Variants in TGFB2 observed in about 807,000 individuals in gnomAD.
TGFB2 encodes transforming growth factor beta 2.
In TGFB2, 13 loss-of-function variants were observed where a neutral mutation model predicts 42.7. The ratio of observed to expected loss-of-function variants is 0.30; its 90% CI spans 0.20 to 0.48. The LOEUF (loss-of-function observed/expected upper bound fraction) is 0.48. TGFB2 is among the 20% of genes least tolerant of loss of function. TGFB2 has a pLI of 0.99. For missense variants in TGFB2, 390 were observed against 517.5 expected, an observed-to-expected ratio of 0.75 and a Z score of 2.39; for synonymous variants, 193 against 193.6, an observed-to-expected ratio of 1.00 and a Z score of 0.03.
intron 2 of TGFB2, among the ~76,000 whole-genome samples, chr1:218,422,222 C>G (rs1558256400): frequency 1.3e-5 from 2 of 148,682 alleles, no homozygotes; most frequent in Non-Finnish European, 3.0e-5. Flanking sequence ...TTTTTGTTTT[C>G]TTTTTTTTTG....
chr1:218,357,704 G>A (rs1273732334), intron 1 of TGFB2, among the ~76,000 whole-genome samples: 3 of 152,348 alleles, frequency 2.0e-5, no homozygotes, highest in Non-Finnish European at 1.5e-5. Context: ...GAAATAGTTT[G>A]AATGCATTTC....
chr1:218,371,844 G>A (rs369108598), intron 1 of TGFB2, among the ~76,000 whole-genome samples: 4 of 152,326 alleles, frequency 2.6e-5, no homozygotes, highest in African/African-American at 9.6e-5. Context: ...TAAACAGTGT[G>A]TACCATGTAG....
chr1:218,358,512 T>C (rs1657108085), intron 1 of TGFB2, among the ~76,000 whole-genome samples: 1 of 152,030 alleles, frequency 6.6e-6, no homozygotes, highest in Admixed American at 6.6e-5. Context: ...TATGGCAATA[T>C]GACTGCAGTT....
rs531820475 is a variant in TGFB2, at chr1:218,433,436, A to G, written c.511-646A>G. On this transcript the variant is annotated intron_variant, in intron 2 of 6. Coordinates refer to ENST00000366930, the MANE Select transcript of TGFB2 (RefSeq NM_003238.6). ...TTTCAGATATTCATCTATGCACCAT[A>G]CCAAACTACTTCTGCTGAGATTCAT... 7.2e-5 allele frequency among the ~76,000 whole-genome samples: 11 copies of G among 152,314 alleles called. No homozygotes were observed. In the East Asian group the frequency reaches 1.9e-3, roughly 27 times the overall value.
At chr1:218,393,299 G>A (rs1372889316) in intron 1 of TGFB2, among the ~76,000 whole-genome samples, 7 of 152,172 alleles carry the variant, frequency 4.6e-5, no homozygotes, top group Non-Finnish European at 1.0e-4. Flanking sequence ...TGTGGTTTAA[G>A]TCCTATTTTG....
intron 1 of TGFB2, among the ~76,000 whole-genome samples, chr1:218,363,055 G>T (rs1657270876): frequency 1.3e-5 from 2 of 152,124 alleles, no homozygotes; most frequent in Admixed American, 6.5e-5. Flanking sequence ...TATGTAAATT[G>T]TACTCTGTTA....
intron 1 of TGFB2, among the ~76,000 whole-genome samples, chr1:218,358,436 T>A (rs1657106419): frequency 6.6e-6 from 1 of 152,208 alleles, no homozygotes; most frequent in African/African-American, 2.4e-5. Context: ...TAAAATATGA[T>A]CATTTATTCC....
intron 1 of TGFB2, among the ~76,000 whole-genome samples, chr1:218,357,227 A>G (rs73110317): frequency 0.032 from 4,940 of 152,030 alleles, 272 homozygotes; most frequent in African/African-American, 0.11. Context: ...ATGAAAAAAA[A>G]AAAAAAAGAA....
intron 2 of TGFB2, among the ~76,000 whole-genome samples, chr1:218,411,610 A>C (rs2799102): frequency 0.36 from 55,420 of 151,994 alleles, 11,406 homozygotes; most frequent in African/African-American, 0.58. Flanking sequence ...TGGCTTACGC[A>C]TGTAATCCCA....
At chr1:218,436,804 G>T (rs1659986283) in intron 5 of TGFB2, among the ~76,000 whole-genome samples, 1 of 152,166 alleles carries the variant, frequency 6.6e-6, no homozygotes, top group Non-Finnish European at 1.5e-5. Context: ...CTTTTTGGTT[G>T]CCAGATCCAG....
chr1:218,394,774 C>T (rs1045405941), intron 1 of TGFB2, among the ~76,000 whole-genome samples: 2 of 152,166 alleles, frequency 1.3e-5, no homozygotes, highest in Non-Finnish European at 2.9e-5. Flanking sequence ...GTGACTTGAA[C>T]GTCAGCAGTG....
At chr1:218,394,358 G>A (rs576491325) in intron 1 of TGFB2, among the ~76,000 whole-genome samples, 12 of 152,288 alleles carry the variant, frequency 7.9e-5, no homozygotes, top group African/African-American at 2.2e-4. Context: ...AGGTGTCTCC[G>A]TGTAGGTGGG....
intron 2 of TGFB2, among the ~76,000 whole-genome samples, chr1:218,410,508 G>A (rs900164430): frequency 5.9e-5 from 9 of 152,042 alleles, no homozygotes; most frequent in Non-Finnish European, 1.2e-4. Flanking sequence ...CCTCTTTCAC[G>A]TTAACAAACT....
intron 1 of TGFB2, among the ~76,000 whole-genome samples, chr1:218,349,593 G>A (rs1388497395): frequency 6.6e-6 from 1 of 152,132 alleles, no homozygotes; most frequent in Non-Finnish European, 1.5e-5. Context: ...TAGCGTTCAG[G>A]GAGTGACTTC....
At chr1:218,372,034 G>A (rs142566073) in intron 1 of TGFB2, among the ~76,000 whole-genome samples, 21 of 152,232 alleles carry the variant, frequency 1.4e-4, no homozygotes, top group Non-Finnish European at 2.2e-4. Flanking sequence ...TGCTCTGACC[G>A]TCCCTGAGCG....
At position 218,346,060 on chromosome 1, in the gene TGFB2, A is replaced by G. The variant is rs577349742; in HGVS notation, c.-642A>G. ...TCGCCCCCAGCGCGCGCACACGCAC[A>G]CACACACACACACACACACACGCAC... On this transcript the variant is annotated 5_prime_UTR_variant, in exon 1 of 7. Transcript: ENST00000366930. This position sits in a 1 kb window ranked among gnomAD's most constrained non-coding sequence, Gnocchi z 4.9. 4.1e-4 allele frequency among the ~76,000 whole-genome samples: 60 copies of G among 148,044 alleles called. No homozygotes were observed. Among genetic ancestry groups the G allele is most frequent in the African/African-American group, 1.3e-3 (51 of 40,462 alleles).
At chr1:218,367,784 G>C (rs908473298) in intron 1 of TGFB2, among the ~76,000 whole-genome samples, 2 of 152,140 alleles carry the variant, frequency 1.3e-5, no homozygotes, top group African/African-American at 4.8e-5. Context: ...GGTGAAGAGA[G>C]GACGTTCATT....
chr1:218,422,117 G>C (rs1398495215), intron 2 of TGFB2, among the ~76,000 whole-genome samples: 1 of 152,130 alleles, frequency 6.6e-6, no homozygotes, highest in Non-Finnish European at 1.5e-5. Flanking sequence ...CTAAATCCTA[G>C]TATATATTGT....
At chr1:218,399,281 G>A (rs1658632832) in intron 1 of TGFB2, among the ~76,000 whole-genome samples, 1 of 152,116 alleles carries the variant, frequency 6.6e-6, no homozygotes, top group East Asian at 1.9e-4. Context: ...GATCACAACT[G>A]TAGTACGTTT....
Sources: allele counts gnomAD v4.1 joint callset (sites outside exome capture counted in the v4.1 genomes callset), GRCh38; gene constraint gnomAD v4.1.1; non-coding constraint Gnocchi (gnomAD v3.1); transcripts MANE v1.5; gene names NCBI Gene and HGNC (gene_info 2026-07-23, HGNC 2026-07-21).